Variants in KIFAP3 observed in about 807,000 individuals in gnomAD.
KIFAP3 encodes the protein kinesin associated protein 3.
A neutral mutation model predicts 106.5 loss-of-function variants in KIFAP3; 68 were observed. The ratio of observed to expected loss-of-function variants is 0.64; its 90% confidence interval spans 0.53 to 0.78. The LOEUF (loss-of-function observed/expected upper bound fraction) is 0.78, where lower values mean the gene tolerates loss of function less well. KIFAP3 is among the 30% of genes least tolerant of loss of function. The pLI is 0.00. For missense variants in KIFAP3, 780 were observed against 941.8 expected, an observed-to-expected ratio of 0.83 and a Z score of 2.25; for synonymous variants, 320 against 311.5, an observed-to-expected ratio of 1.03 and a Z score of -0.29.
chr1:170,016,756 T>C (rs529973553), intron 9 of KIFAP3, 132 bp from the exon 10 acceptor site: 18 of 517,800 alleles, frequency 3.5e-5, no homozygotes, highest in African/African-American at 2.6e-4. Context: ...TTATACTCCA[T>C]TTCATTCTGT....
chr1:170,077,542 A>G (rs1671944681), upstream of KIFAP3, among the ~76,000 whole-genome samples: 1 of 152,242 alleles, frequency 6.6e-6, no homozygotes, highest in Non-Finnish European at 1.5e-5. Flanking sequence ...CAGATTAAAT[A>G]CAGCATGATG....
At chr1:170,004,610 G>C (rs1206293557) in intron 10 of KIFAP3, among the ~76,000 whole-genome samples, 2 of 152,084 alleles carry the variant, frequency 1.3e-5, no homozygotes, top group Non-Finnish European at 2.9e-5. Flanking sequence ...ATGGGGAAAG[G>C]ATTCCCTATT....
At chr1:169,938,591 A>G (rs1015071400) in intron 19 of KIFAP3, among the ~76,000 whole-genome samples, 1 of 152,154 alleles carries the variant, frequency 6.6e-6, no homozygotes, top group Non-Finnish European at 1.5e-5. Context: ...AACTTCTATT[A>G]AACAAACGTC....
chr1:170,047,703 T>C (rs1489675612), intron 2 of KIFAP3, among the ~76,000 whole-genome samples: 1 of 150,286 alleles, frequency 6.7e-6, no homozygotes, highest in Non-Finnish European at 1.5e-5. Flanking sequence ...ATACATTTTA[T>C]ACTTAAGTTA....
At chr1:170,077,230 A>G (rs1049614909), upstream of KIFAP3, among the ~76,000 whole-genome samples, 7 of 152,244 alleles carry the variant, frequency 4.6e-5, no homozygotes, top group Admixed American at 6.5e-5. Flanking sequence ...GCGGGGCCAA[A>G]CAAGGGAATA....
chr1:170,070,533 C>A (rs1671653243), intron 1 of KIFAP3, among the ~76,000 whole-genome samples: 1 of 152,000 alleles, frequency 6.6e-6, no homozygotes, highest in South Asian at 2.1e-4. Context: ...TTGCCCAAAC[C>A]ATTCATGGAG....
Position 170,039,248 on chromosome 1 carries a change from A to G in KIFAP3, c.360T>C (p.Pro120=). The G allele has an allele frequency of 6.2e-7, 1 of 1,600,782 alleles. No homozygotes were observed. The highest frequency in any genetic ancestry group is 8.5e-7 in the Non-Finnish European group (1 of 1,171,772). The stretch of plus-strand genomic sequence containing the variant: ...GCAGTCTTACCTCCATTCCTTCAAA[A>G]GGAGGTGGATCTTTAGGCTTGCTTG... ...EKSSKPKDPP[P]FEGMEIDEVA... Residue 120 remains proline, a synonymous_variant, in exon 4 of 20, where the codon CCT becomes CCC. Coordinates refer to ENST00000361580, the MANE Select transcript of KIFAP3 (RefSeq NM_014970.4).
intron 17 of KIFAP3, among the ~76,000 whole-genome samples, chr1:169,970,900 C>G (rs1387581641): frequency 1.3e-5 from 2 of 151,852 alleles, no homozygotes; most frequent in South Asian, 2.1e-4. Flanking sequence ...TGTTTGGAAA[C>G]TTTGGATCTA....
chr1:169,936,265 T>C (rs1475180840), intron 19 of KIFAP3, among the ~76,000 whole-genome samples: 1 of 151,822 alleles, frequency 6.6e-6, no homozygotes, highest in Non-Finnish European at 1.5e-5. Context: ...TCAGTAAAAC[T>C]TTCACCCATG....
At chr1:170,027,310 G>A (rs754169380) in intron 8 of KIFAP3, among the ~76,000 whole-genome samples, 34 of 152,154 alleles carry the variant, frequency 2.2e-4, no homozygotes, top group African/African-American at 2.2e-4. Context: ...ATGAACCACC[G>A]CGCCTGACCC....
intron 15 of KIFAP3, among the ~76,000 whole-genome samples, chr1:169,978,386 G>T (rs1044111256): frequency 7.9e-5 from 12 of 151,864 alleles, no homozygotes; most frequent in African/African-American, 2.9e-4. Flanking sequence ...ATTCTTTAAA[G>T]AATTCTAATT....
rs1202258390 is a variant in KIFAP3, at chr1:169,978,130, T to A, written c.1852A>T (p.Met618Leu). Residue 618 changes from methionine to leucine, a missense_variant, in exon 16 of 20, where the codon ATG becomes TTG. Coordinates refer to ENST00000361580, the MANE Select transcript of KIFAP3 (RefSeq NM_014970.4). ...VCQIIYVFYQMVFHQATRDVI... is the reference protein window; with the variant it reads ...VCQIIYVFYQLVFHQATRDVI... ...TCTCTTGTGGCTTGGTGGAAAACCA[T>A]CTGGTAGAAGACATAAATTATCTGA... 1.2e-6 allele frequency: 2 copies of A among 1,612,538 alleles called. No homozygotes were observed. Among genetic ancestry groups the A allele is most frequent in the Non-Finnish European group, 1.7e-6 (2 of 1,179,148 alleles).
At chr1:170,081,856 G>A (rs1672024886) in intron 1 of KIFAP3, among the ~76,000 whole-genome samples, 1 of 151,950 alleles carries the variant, frequency 6.6e-6, no homozygotes, top group Non-Finnish European at 1.5e-5. Context: ...ACCTTTTTTT[G>A]TGGGGGTGGG....
chr1:170,060,014 T>C (rs1039555454), intron 1 of KIFAP3, among the ~76,000 whole-genome samples: 4 of 152,172 alleles, frequency 2.6e-5, no homozygotes, highest in African/African-American at 9.7e-5. Flanking sequence ...ATGGGACGTA[T>C]ATCAAAATAG....
intron 1 of KIFAP3, among the ~76,000 whole-genome samples, chr1:170,058,237 T>C (rs886817728): frequency 6.6e-6 from 1 of 152,206 alleles, no homozygotes; most frequent in Non-Finnish European, 1.5e-5. Context: ...TAACTTTTCA[T>C]TAAATAAGAA....
intron 7 of KIFAP3, among the ~76,000 whole-genome samples, 174 bp downstream of exon 7, chr1:170,034,198 A>G (rs1175902395): frequency 1.3e-5 from 2 of 151,898 alleles, no homozygotes. Context: ...ATCAAACTGT[A>G]TTCATTTTGA....
intron 19 of KIFAP3, among the ~76,000 whole-genome samples, chr1:169,934,173 A>C (rs1440962201): frequency 6.6e-6 from 1 of 152,166 alleles, no homozygotes; most frequent in Non-Finnish European, 1.5e-5. Context: ...CTTCATACAC[A>C]TGCTTTCTGT....
intron 19 of KIFAP3, among the ~76,000 whole-genome samples, chr1:169,933,719 C>A (rs1340583855): frequency 6.6e-6 from 1 of 152,046 alleles, no homozygotes; most frequent in Non-Finnish European, 1.5e-5. Flanking sequence ...CTTTGTCACT[C>A]ATGTACATCA....
chr1:169,993,628 G>T (rs1558227957), intron 10 of KIFAP3, among the ~76,000 whole-genome samples: 12 of 16 alleles, frequency 0.75, 6 homozygotes, highest in East Asian at 1. Context: ...GCTTCAGGCA[G>T]GTGATTTGCT....
Sources: gnomAD v4.1 joint callset for allele counts (sites outside exome capture counted in the v4.1 genomes callset) on GRCh38, gnomAD v4.1.1 for gene constraint, MANE v1.5 for transcripts, NCBI Gene and HGNC (gene_info 2026-07-23, HGNC 2026-07-21) for gene names.